Variants in KIAA1958 observed in about 807,000 individuals in gnomAD.
KIAA1958 encodes the protein uncharacterized protein KIAA1958.
In KIAA1958, 14 loss-of-function variants were observed where a neutral mutation model predicts 47.2. The ratio of observed to expected loss-of-function variants is 0.30; its 90% CI spans 0.20 to 0.46. The LOEUF is 0.46. Among genes scored for constraint, KIAA1958 ranks in the 20% least tolerant of loss-of-function variants. The pLI, the probability that KIAA1958 is intolerant of heterozygous loss-of-function variation, is 1.00. For missense variants in KIAA1958, 803 were observed against 909.2 expected, an observed-to-expected ratio of 0.88 and a Z score of 1.50; for synonymous variants, 354 against 353.3, an observed-to-expected ratio of 1.00 and a Z score of -0.02.
chr9:112,630,758 A>G (rs1011348358), intron 2 of KIAA1958, among the ~76,000 whole-genome samples: 4 of 152,252 alleles, frequency 2.6e-5, no homozygotes, highest in African/African-American at 9.6e-5. Flanking sequence ...CTCTCATACA[A>G]AATTACTTTG....
intron 2 of KIAA1958, among the ~76,000 whole-genome samples, chr9:112,624,180 G>GTACTTGT (rs1241370980): frequency 8.5e-5 from 13 of 152,254 alleles, no homozygotes; most frequent in African/African-American, 3.1e-4. Context: ...AGTACTGAAA[G>GTACTTGT]AATTAGCAAG....
intron 1 of KIAA1958, among the ~76,000 whole-genome samples, chr9:112,558,114 A>G (rs1464822286): frequency 6.6e-6 from 1 of 151,922 alleles, no homozygotes; most frequent in Non-Finnish European, 1.5e-5. Flanking sequence ...AGTCCCAGCT[A>G]CTCAGGAGGC....
At chr9:112,541,210 G>T (rs896348179) in intron 1 of KIAA1958, among the ~76,000 whole-genome samples, 2 of 151,978 alleles carry the variant, frequency 1.3e-5, no homozygotes, top group Non-Finnish European at 2.9e-5. Flanking sequence ...AAGCGTCCTT[G>T]TTTTAAATTT....
chr9:112,571,902 T>C (rs1455074269), intron 1 of KIAA1958, among the ~76,000 whole-genome samples: 1 of 151,476 alleles, frequency 6.6e-6, no homozygotes, highest in Non-Finnish European at 1.5e-5. Flanking sequence ...GTCTTTTTTT[T>C]TTTTTTTTAA....
chr9:112,574,089 T>A lies in KIAA1958; in HGVS notation c.9T>A (p.Asp3Glu). 6.3e-7 allele frequency: 1 copy of A among 1,578,582 alleles called. No individual in the cohort carries two copies. The highest frequency in any genetic ancestry group is 1.2e-5 in the South Asian group (1 of 86,538). The change falls in exon 2 of 4, where the codon GAT (aspartate) becomes GAA (glutamate). Residue 3 changes from aspartate (D) to glutamate (E), a missense_variant. By Grantham distance (45) the Asp-to-Glu change is conservative. Around this residue, in one of 2 missense-constraint regions of KIAA1958, gnomAD observed 42 missense variants for 79.9 expected, o/e 0.53. Coordinates refer to ENST00000337530, the MANE Select transcript of KIAA1958 (RefSeq NM_133465.4). ME[D>E]CLHTSSENLS... ...ACTGCTGATCCTGTAACATGGAGGA[T>A]TGTCTTCATACCTCATCTGAGAATC... is the stretch of plus-strand genomic sequence containing the variant.
intron 3 of KIAA1958, among the ~76,000 whole-genome samples, chr9:112,655,712 C>T (rs1230389403): frequency 6.6e-6 from 1 of 152,156 alleles, no homozygotes. Context: ...GAATGGGAGG[C>T]ATGCGGGAGT....
chr9:112,499,384 G>C (rs1171279751), intron 1 of KIAA1958, among the ~76,000 whole-genome samples: 1 of 152,092 alleles, frequency 6.6e-6, no homozygotes, highest in Non-Finnish European at 1.5e-5. Context: ...TGAAATTTTA[G>C]CTGAAGGTGC....
chr9:112,486,900 C>A lies in KIAA1958; in HGVS notation c.-243C>A, dbSNP rs1176773122. The stretch of plus-strand genomic sequence containing the variant: ...GCACGGAGCGGCGCGCGGCGGTCGG[C>A]CGAGCCAGGCTGGCGCCCCCGCCCC... On this transcript the variant is annotated 5_prime_UTR_variant, in exon 1 of 4. Coordinates refer to ENST00000337530, the MANE Select transcript of KIAA1958 (RefSeq NM_133465.4). 1.4e-5 allele frequency: 2 copies of A among 145,318 alleles called. No individual in the cohort carries two copies. Among genetic ancestry groups the A allele is most frequent in the Non-Finnish European group, 3.0e-5 (2 of 65,590 alleles). The allele number at this position is 145,318 out of a possible 1,614,324, so 9.0% of individuals were successfully genotyped here. A position where few individuals can be genotyped will look rare whatever the true frequency, so the allele number is the denominator to read the frequency against.
chr9:112,512,677 C>T (rs887097232), intron 1 of KIAA1958, among the ~76,000 whole-genome samples: 12 of 151,224 alleles, frequency 7.9e-5, no homozygotes, highest in Admixed American at 2.0e-4. Context: ...TAATAATGGC[C>T]GGGCAAGATA....
intron 2 of KIAA1958, among the ~76,000 whole-genome samples, chr9:112,591,244 C>T (rs1367308455): frequency 6.6e-6 from 1 of 152,024 alleles, no homozygotes; most frequent in African/African-American, 2.4e-5. Context: ...CCACCACGCC[C>T]GGCTAATTTT....
chr9:112,643,197 T>A (rs1836922061), intron 2 of KIAA1958, among the ~76,000 whole-genome samples: 1 of 152,216 alleles, frequency 6.6e-6, no homozygotes, highest in Non-Finnish European at 1.5e-5. Context: ...ACCTGATTCT[T>A]TCACTGTAGT....
At chr9:112,570,783 G>A (rs1459224202) in intron 1 of KIAA1958, among the ~76,000 whole-genome samples, 1 of 152,218 alleles carries the variant, frequency 6.6e-6, no homozygotes, top group Non-Finnish European at 1.5e-5. Flanking sequence ...ATGCGATTAT[G>A]TGGCTGAGAA....
chr9:112,576,141 C>G (rs1374834548), intron 2 of KIAA1958, among the ~76,000 whole-genome samples: 1 of 152,180 alleles, frequency 6.6e-6, no homozygotes, highest in Non-Finnish European at 1.5e-5. Context: ...TGCCTTCATC[C>G]TGAAACGTCC....
intron 1 of KIAA1958, among the ~76,000 whole-genome samples, chr9:112,510,108 T>C (rs1048919480): frequency 3.3e-5 from 5 of 152,154 alleles, no homozygotes; most frequent in African/African-American, 1.2e-4. Context: ...GGAGACCTTG[T>C]AAGATCAGTT....
At chr9:112,559,332 G>T (rs1835290848) in intron 1 of KIAA1958, among the ~76,000 whole-genome samples, 1 of 152,196 alleles carries the variant, frequency 6.6e-6, no homozygotes, top group Non-Finnish European at 1.5e-5. Context: ...ATAAACTTTG[G>T]TTTTAAAGGT....
chr9:112,554,234 T>C (rs1835203253), intron 1 of KIAA1958, among the ~76,000 whole-genome samples: 1 of 152,164 alleles, frequency 6.6e-6, no homozygotes, highest in African/African-American at 2.4e-5. Flanking sequence ...GTGCGGTGGC[T>C]CACGTCTGTA....
At chr9:112,586,287 G>C (rs1835820916) in intron 2 of KIAA1958, among the ~76,000 whole-genome samples, 1 of 152,176 alleles carries the variant, frequency 6.6e-6, no homozygotes, top group Non-Finnish European at 1.5e-5. Flanking sequence ...CCCATTCCAT[G>C]TCATAATTTA....
At chr9:112,633,616 G>A (rs1288154239) in intron 2 of KIAA1958, among the ~76,000 whole-genome samples, 1 of 152,086 alleles carries the variant, frequency 6.6e-6, no homozygotes, top group Non-Finnish European at 1.5e-5. Context: ...AACCCTAGGA[G>A]CTTCCCTCAT....
intron 1 of KIAA1958, among the ~76,000 whole-genome samples, chr9:112,561,199 C>T (rs1393010357): frequency 6.6e-6 from 1 of 151,870 alleles, no homozygotes; most frequent in East Asian, 1.9e-4. Flanking sequence ...GGACTACAGG[C>T]ACCCACCACC....
Sources: gnomAD v4.1 joint callset for allele counts (sites outside exome capture counted in the v4.1 genomes callset) on GRCh38, gnomAD v4.1.1 for gene constraint, gnomAD v4.1.1 regional missense constraint, MANE v1.5 for transcripts, NCBI Gene and HGNC (gene_info 2026-07-23, HGNC 2026-07-21) for gene names.